SEMA3A: variants seen among roughly 807,000 people sequenced by gnomAD.
SEMA3A encodes the protein semaphorin 3A, also known as semaphorin-3A.
SEMA3A carries 29 observed loss-of-function variants against 97.9 expected under a neutral mutation model. The observed-to-expected ratio is 0.30, with a 90% CI of 0.22 to 0.40. The LOEUF is 0.40. SEMA3A is among the 10% of genes least tolerant of loss of function. The probability of loss-of-function intolerance (pLI) is 1.00; values close to 1 mark genes in which losing one functional copy is unlikely to be tolerated. For missense variants in SEMA3A, 763 were observed against 951.3 expected, an observed-to-expected ratio of 0.80 and a Z score of 2.60; for synonymous variants, 321 against 323.7, an observed-to-expected ratio of 0.99 and a Z score of 0.09.
Position 84,247,083 on chromosome 7 carries a change from T to C in SEMA3A, c.-82-52415A>G, listed in dbSNP as rs1584164691. 3.3e-5 allele frequency among the ~76,000 whole-genome samples: 5 copies of C among 152,192 alleles called. No homozygotes were observed. The South Asian group carries it at 1.0e-3, about 32-fold the overall frequency. On this transcript the variant is annotated intron_variant, in intron 3 of 3. Coordinates refer to the SEMA3A transcript ENST00000424555. The stretch of plus-strand genomic sequence containing the variant: ...ATATCAGATTGATATTTGATATCAG[T>C]ATATAGAAATTTGTGGCAGTAAAAC...
intron 2 of SEMA3A, among the ~76,000 whole-genome samples, chr7:84,364,799 C>T (rs1200263115): frequency 6.6e-6 from 1 of 150,622 alleles, no homozygotes; most frequent in Non-Finnish European, 1.5e-5. Context: ...GTCAGGCAGG[C>T]CCTGAGGCCG....
chr7:84,444,600 C>A lies in SEMA3A; in HGVS notation c.-246+47860G>T, dbSNP rs1805358042. Among the ~76,000 whole-genome samples, 3 of 141,124 alleles carry A rather than the reference C, an allele frequency of 2.1e-5. No homozygotes were observed. The South Asian group carries it at 6.6e-4, about 31-fold the overall frequency. 92.6% of individuals were successfully genotyped at this position (141,124 alleles called of 152,430 possible). On this transcript the variant is annotated intron_variant, in intron 1 of 3. Transcript: ENST00000424555. ...TTTTTGAGACGGAGTCTGGCTCTGT[C>A]TCCCAGTCTGGAGTACAGTGACGCG...
intron 4 of SEMA3A, among the ~76,000 whole-genome samples, chr7:84,103,221 G>A (rs1198621963): frequency 6.6e-6 from 1 of 152,012 alleles, no homozygotes; most frequent in African/African-American, 2.4e-5. Context: ...CTCAACCACA[G>A]CAAAATCTTC....
At position 84,407,513 on chromosome 7, in the gene SEMA3A, T is replaced by A. The variant is rs566453211; in HGVS notation, c.-245-35613A>T. Among the ~76,000 whole-genome samples, 443 of 152,054 alleles carry A rather than the reference T, an allele frequency of 2.9e-3. 1 individual carries two copies. The highest frequency in any genetic ancestry group is 0.01 in the African/African-American group (425 of 41,448). ...AATGCCATCCACATCAAGTTACCAA[T>A]GACTTTCTTCACAGAATTGGAAAAA... On this transcript the variant is annotated intron_variant, in intron 1 of 3. Coordinates refer to the SEMA3A transcript ENST00000424555.
At chr7:84,386,966 C>T (rs573563162) in intron 1 of SEMA3A, among the ~76,000 whole-genome samples, 1 of 151,932 alleles carries the variant, frequency 6.6e-6, no homozygotes, top group African/African-American at 2.4e-5. Context: ...CACCACTGCA[C>T]TCCAGCCTGG....
At chr7:84,390,056 C>A (rs1488838734) in intron 1 of SEMA3A, among the ~76,000 whole-genome samples, 2 of 152,014 alleles carry the variant, frequency 1.3e-5, no homozygotes, top group Non-Finnish European at 2.9e-5. Context: ...CACATGGTGA[C>A]ATATTAAACT....
At chr7:83,966,637 T>G (rs1296294582) in intron 15 of SEMA3A, among the ~76,000 whole-genome samples, 1 of 152,204 alleles carries the variant, frequency 6.6e-6, no homozygotes, top group Admixed American at 6.5e-5. Flanking sequence ...ATTGTATTTC[T>G]TTGGTTTAAG....
At chr7:84,418,152 G>C (rs1804485016) in intron 1 of SEMA3A, among the ~76,000 whole-genome samples, 1 of 152,018 alleles carries the variant, frequency 6.6e-6, no homozygotes, top group Non-Finnish European at 1.5e-5. Context: ...AAGACCCACT[G>C]TTCTAAACTG....
chr7:84,450,288 G>T (rs1805523647), intron 1 of SEMA3A, among the ~76,000 whole-genome samples: 1 of 151,894 alleles, frequency 6.6e-6, no homozygotes, highest in African/African-American at 2.4e-5. Flanking sequence ...GGAGTATAGG[G>T]CCCCAGATGG....
chr7:84,333,400 T>C (rs1801951920), intron 2 of SEMA3A, among the ~76,000 whole-genome samples: 1 of 151,902 alleles, frequency 6.6e-6, no homozygotes, highest in Non-Finnish European at 1.5e-5. Context: ...GACTCTAGAG[T>C]CTTTAGCCTC....
At chr7:84,429,750 C>T (rs937388452) in intron 1 of SEMA3A, among the ~76,000 whole-genome samples, 6 of 149,782 alleles carry the variant, frequency 4.0e-5, no homozygotes, top group Non-Finnish European at 8.9e-5. Context: ...GTAAGACGCA[C>T]AAAAGAAAGA....
At chr7:83,995,206 A>G (rs1035273110) in intron 12 of SEMA3A, among the ~76,000 whole-genome samples, 5 of 151,988 alleles carry the variant, frequency 3.3e-5, no homozygotes, top group Admixed American at 6.5e-5. Flanking sequence ...ACTGACCTGC[A>G]CCCACTGTCT....
chr7:84,254,115 G>A (rs1052193406), intron 3 of SEMA3A, among the ~76,000 whole-genome samples: 4 of 152,192 alleles, frequency 2.6e-5, no homozygotes, highest in Admixed American at 6.5e-5. Flanking sequence ...ATCTGAAAGA[G>A]AGAACTGGAA....
At chr7:84,349,130 C>CT (rs1306714226) in intron 2 of SEMA3A, among the ~76,000 whole-genome samples, 4 of 152,062 alleles carry the variant, frequency 2.6e-5, no homozygotes, top group Admixed American at 6.6e-5. Context: ...TTTTGAAGCA[C>CT]TTTTTTCTGT....
At chr7:84,094,412 A>C (rs1465053530) in intron 4 of SEMA3A, among the ~76,000 whole-genome samples, 2 of 151,918 alleles carry the variant, frequency 1.3e-5, no homozygotes, top group African/African-American at 4.8e-5. Flanking sequence ...TATTTTCAAT[A>C]GCGTTCTTTT....
intron 2 of SEMA3A, among the ~76,000 whole-genome samples, chr7:84,354,108 T>C (rs1478942242): frequency 6.6e-6 from 1 of 151,596 alleles, no homozygotes; most frequent in Non-Finnish European, 1.5e-5. Context: ...TATAAACATA[T>C]AAAATTAAAG....
chr7:84,454,651 G>A (rs957781561), intron 1 of SEMA3A, among the ~76,000 whole-genome samples: 1 of 151,808 alleles, frequency 6.6e-6, no homozygotes, highest in Non-Finnish European at 1.5e-5. Flanking sequence ...ATGATGTCTT[G>A]GGCTATGTAC....
rs564716445 is a variant in SEMA3A, at chr7:84,150,282, T to C, written c.113-15331A>G. On this transcript the variant is annotated intron_variant, in intron 1 of 16. Transcript: ENST00000265362. Reference sequence around the variant, plus strand: ...CAGCTCCAGTCTACAGCTCCCAGCGTGAGCGACGCAGAAGACGGGTGATTT... The same window carrying C: ...CAGCTCCAGTCTACAGCTCCCAGCGCGAGCGACGCAGAAGACGGGTGATTT... Among the ~76,000 whole-genome samples, 259 of 152,218 alleles carry C rather than the reference T, an allele frequency of 1.7e-3. 1 individual carries two copies. The highest frequency in any genetic ancestry group is 3.2e-3 in the Non-Finnish European group (215 of 68,006).
intron 1 of SEMA3A, among the ~76,000 whole-genome samples, chr7:84,385,788 C>T (rs1031643317): frequency 6.6e-6 from 1 of 152,160 alleles, no homozygotes; most frequent in African/African-American, 2.4e-5. Flanking sequence ...TCTGTAAAGA[C>T]CTTTTCACTC....
Sources: gnomAD v4.1 joint callset for allele counts (sites outside exome capture counted in the v4.1 genomes callset) on GRCh38, gnomAD v4.1.1 for gene constraint, MANE v1.5 for transcripts, NCBI Gene and HGNC (gene_info 2026-07-23, HGNC 2026-07-21) for gene names.